EXD3: variants seen among roughly 807,000 people sequenced by gnomAD.
EXD3 encodes the protein exonuclease 3'-5' domain containing 3, also known as exonuclease mut-7 homolog.
A neutral mutation model predicts 98.0 loss-of-function variants in EXD3; 92 were observed. That is an observed-to-expected ratio of 0.94 (90% CI 0.79 to 1.12). The LOEUF (loss-of-function observed/expected upper bound fraction) is 1.12, where lower values mean the gene tolerates loss of function less well. EXD3 is among the 50% of genes most tolerant of loss of function. EXD3 has a pLI of 0.00. For missense variants in EXD3, 1,222 were observed against 1,191.6 expected, an observed-to-expected ratio of 1.03 and a Z score of -0.38; for synonymous variants, 569 against 526.0, an observed-to-expected ratio of 1.08 and a Z score of -1.12.
intron 7 of EXD3, among the ~76,000 whole-genome samples, chr9:137,364,722 A>C (rs1036044166): frequency 3.3e-5 from 5 of 151,328 alleles, no homozygotes; most frequent in African/African-American, 1.2e-4. Flanking sequence ...CTTCGCAATG[A>C]GACCCCTGGT....
chr9:137,318,736 T>C (rs1376424159), intron 19 of EXD3, among the ~76,000 whole-genome samples: 5 of 151,850 alleles, frequency 3.3e-5, no homozygotes, highest in Non-Finnish European at 5.9e-5. Context: ...CCTGCCTGGC[T>C]CAGGGGCACA....
chr9:137,395,508 G>T lies in EXD3; in HGVS notation c.-47-104C>A, dbSNP rs971973719. The T allele has an allele frequency of 1.1e-5, 12 of 1,117,536 alleles. No individual in the cohort carries two copies. The African/African-American group carries it at 1.7e-4, about 16-fold the overall frequency. The allele number at this position is 1,117,536 out of a possible 1,614,324, so 69.2% of individuals were successfully genotyped here. On this transcript the variant is annotated intron_variant, in intron 1 of 21. Transcript: ENST00000340951. This position sits in a 1 kb window ranked among gnomAD's most constrained non-coding sequence, Gnocchi z 6.5. ...GAGGTGGTGGAGGGAGCTGGTGCCTGGGGGGGCCCAAGTGGGACCCCCAGT... is the reference window on the plus strand; with the variant it reads ...GAGGTGGTGGAGGGAGCTGGTGCCTTGGGGGGCCCAAGTGGGACCCCCAGT...
intron 2 of EXD3, among the ~76,000 whole-genome samples, chr9:137,388,401 C>T (rs1289166674): frequency 2.0e-5 from 3 of 152,182 alleles, no homozygotes; most frequent in Non-Finnish European, 4.4e-5. Flanking sequence ...AACACAGGGA[C>T]GCCACTTCCT....
chr9:137,337,867 A>C (rs1833443551), intron 17 of EXD3, among the ~76,000 whole-genome samples: 1 of 151,402 alleles, frequency 6.6e-6, no homozygotes, highest in Non-Finnish European at 1.5e-5. Context: ...GGCTCACTGC[A>C]AGCTCCACCT....
In EXD3 at chr9:137,372,919, C is replaced by T. The variant is rs1211785097; in HGVS notation, c.448G>A (p.Gly150Ser). The change falls in exon 5 of 22, where the codon GGC (glycine) becomes AGC (serine). Residue 150 changes from glycine (G) to serine (S), a missense_variant. Physicochemically the swap from Gly to Ser is moderately conservative, Grantham distance 56. Coordinates refer to ENST00000340951, the MANE Select transcript of EXD3 (RefSeq NM_017820.5). ...LAHVHRLHHE[G>S]RFREAATLGA... The stretch of plus-strand genomic sequence containing the variant: ...GGGCCACTCACTTCTCTGAACCTGC[C>T]CTCGTGGTGGAGGCGGTGGACGTGT... 4 of 1,599,502 alleles carry T rather than the reference C, an allele frequency of 2.5e-6. No homozygotes were observed. The highest frequency in any genetic ancestry group is 3.8e-4 in the Middle Eastern group (2 of 5,272).
intron 5 of EXD3, among the ~76,000 whole-genome samples, chr9:137,372,687 T>C (rs2131681147): frequency 6.6e-6 from 1 of 152,294 alleles, no homozygotes; most frequent in Admixed American, 6.5e-5. Flanking sequence ...GACCAGGCTG[T>C]GCCCTGACAT....
chr9:137,347,000 G>C (rs921034010), intron 17 of EXD3, among the ~76,000 whole-genome samples: 3 of 152,150 alleles, frequency 2.0e-5, no homozygotes, highest in African/African-American at 7.2e-5. Flanking sequence ...ATTTTTAGGA[G>C]AGACAGGGTT....
chr9:137,356,210 G>C lies in EXD3; in HGVS notation c.757+58C>G. ...AGCCCCAGTCACAGAGGATGTCCCTGGCCACGCTTGGCGGCTCTCCCTGGC... is the reference window on the plus strand; with the variant it reads ...AGCCCCAGTCACAGAGGATGTCCCTCGCCACGCTTGGCGGCTCTCCCTGGC... On this transcript the variant is annotated intron_variant, in intron 8 of 21. Transcript: ENST00000340951. The C allele has an allele frequency of 4.6e-6, 6 of 1,316,666 alleles. 1 individual carries two copies. The South Asian group carries it at 7.6e-5, about 17-fold the overall frequency. The allele number at this position is 1,316,666 out of a possible 1,614,324, so 81.6% of individuals were successfully genotyped here.
chr9:137,409,596 G>T (rs1364239229), intron 1 of EXD3, among the ~76,000 whole-genome samples: 2 of 151,928 alleles, frequency 1.3e-5, no homozygotes, highest in African/African-American at 4.8e-5. Context: ...CATGCGGCGT[G>T]TAGGGAGGGA....
chr9:137,352,826 T>C, intron 10 of EXD3, 40 bp from the exon 11 acceptor site: 1 of 1,558,776 alleles, frequency 6.4e-7, no homozygotes, highest in East Asian at 2.4e-5. Flanking sequence ...ATGGGGACAT[T>C]GCTGTGCCAC....
chr9:137,349,547 C>T lies in EXD3; in HGVS notation c.1495-16G>A, dbSNP rs1445288922. 3.2e-6 allele frequency: 5 copies of T among 1,557,934 alleles called. No individual in the cohort carries two copies. The highest frequency in any genetic ancestry group is 4.3e-6 in the Non-Finnish European group (5 of 1,152,648). ...CCACCCGCATCTGCTAAGACAGTGC[C>T]CTGCAGGGTAACGCGTCTGGCCCTG... On this transcript the variant is annotated splice_polypyrimidine_tract_variant and intron_variant, in intron 14 of 21. Coordinates refer to ENST00000340951, the MANE Select transcript of EXD3 (RefSeq NM_017820.5). The surrounding 1 kb of genome is among the most constrained non-coding windows in gnomAD (Gnocchi z 7.4).
intron 5 of EXD3, among the ~76,000 whole-genome samples, chr9:137,372,600 C>A (rs1301051764): frequency 3.9e-5 from 6 of 152,230 alleles, no homozygotes; most frequent in Non-Finnish European, 8.8e-5. Flanking sequence ...GGCCCAGGCC[C>A]ACCTAGGACC....
intron 1 of EXD3, among the ~76,000 whole-genome samples, chr9:137,419,925 C>T (rs1315533284): frequency 2.6e-5 from 4 of 151,994 alleles, no homozygotes; most frequent in Admixed American, 6.6e-5. Flanking sequence ...TTTGGGAGGC[C>T]AAGGCGGGCG....
chr9:137,413,604 T>C (rs1362248101), intron 1 of EXD3, among the ~76,000 whole-genome samples: 4 of 148,908 alleles, frequency 2.7e-5, no homozygotes, highest in Non-Finnish European at 5.9e-5. Context: ...CTGGCTCAAG[T>C]GATTCTTGTG....
chr9:137,316,704 G>A (rs1331500413), intron 19 of EXD3, among the ~76,000 whole-genome samples: 1 of 152,236 alleles, frequency 6.6e-6, no homozygotes, highest in Admixed American at 6.5e-5. Context: ...AGGGGCTGGG[G>A]GACAACAGAG....
chr9:137,413,097 T>C (rs1838075395), intron 1 of EXD3, among the ~76,000 whole-genome samples: 1 of 152,208 alleles, frequency 6.6e-6, no homozygotes, highest in Admixed American at 6.5e-5. Flanking sequence ...AACTGCTCTA[T>C]AACTTTGAGA....
chr9:137,351,088 C>A lies in EXD3; in HGVS notation c.1444G>T (p.Val482Leu), dbSNP rs189026961. 22 of 1,582,804 alleles carry A rather than the reference C, an allele frequency of 1.4e-5. No individual in the cohort carries two copies. In the Admixed American group the frequency reaches 3.9e-4, roughly 28 times the overall value. ...ATGCCGCCCAGAATCTGCTTCTCCA[C>A]ATGGGCCAGGGCGGGGCAGGACGTG... is the stretch of plus-strand genomic sequence containing the variant. ...LGTSCPALAH[V>L]EKQILGGMDL... The change falls in exon 14 of 22, where the codon GTG becomes TTG. Residue 482 changes from valine (V) to leucine (L), a missense_variant. Val to Leu is a conservative substitution (Grantham distance 32). Transcript: ENST00000340951.
chr9:137,374,955 T>C, intron 3 of EXD3: 2 of 666,180 alleles, frequency 3.0e-6, no homozygotes, highest in Non-Finnish European at 3.7e-6. Context: ...TAATGAGTTA[T>C]AGCTCTAGTG....
intron 10 of EXD3, chr9:137,353,115 A>G: frequency 8.4e-7 from 1 of 1,185,088 alleles, no homozygotes; most frequent in Non-Finnish European, 1.0e-6. Context: ...GCCTCCGCTG[A>G]CCTTCCCGGC....
Sources: gnomAD v4.1 joint callset for allele counts (sites outside exome capture counted in the v4.1 genomes callset) on GRCh38, gnomAD v4.1.1 for gene constraint, Gnocchi (gnomAD v3.1) non-coding constraint, MANE v1.5 for transcripts, NCBI Gene and HGNC (gene_info 2026-07-23, HGNC 2026-07-21) for gene names.